HID1: variants seen among roughly 807,000 people sequenced by gnomAD.
HID1 encodes HID1 domain containing.
In HID1, 42 loss-of-function variants were observed where a neutral mutation model predicts 89.7. The observed-to-expected ratio is 0.47, with a 90% CI of 0.37 to 0.61. HID1 has a LOEUF of 0.61. HID1 is among the 20% of genes least tolerant of loss of function. HID1 has a pLI of 0.00. For missense variants in HID1, 854 were observed against 1,039.3 expected (o/e 0.82, Z 2.45); for synonymous variants, 442 against 433.8 (o/e 1.02, Z -0.24).
chr17:74,955,308 G>A (rs533820433), intron 13 of HID1, among the ~76,000 whole-genome samples: 13 of 152,316 alleles, frequency 8.5e-5, no homozygotes, highest in Non-Finnish European at 1.5e-4. Flanking sequence ...AGTTTGGGAG[G>A]CCGAGGCAGG....
intron 1 of HID1, among the ~76,000 whole-genome samples, chr17:74,965,848 C>T (rs1025352567): frequency 1.3e-5 from 2 of 151,654 alleles, no homozygotes; most frequent in Non-Finnish European, 2.9e-5. Context: ...ACCCAGGAGG[C>T]AGAGGTTGCA....
intron 1 of HID1, among the ~76,000 whole-genome samples, chr17:74,965,886 C>T (rs138178635): frequency 0.025 from 3,779 of 151,238 alleles, 62 homozygotes; most frequent in Middle Eastern, 0.066. Context: ...CACTGCACTC[C>T]AGCCTGGGCA....
Position 74,962,926 on chromosome 17 carries a change from C to A in HID1, c.504+39G>T. On this transcript the variant is annotated intron_variant, in intron 4 of 18. Transcript: ENST00000425042. The surrounding 1 kb of genome is among the most constrained non-coding windows in gnomAD (Gnocchi z 4.3). ...GCCCGGCCCCAACCCAGGACCAGAG[C>A]CTACTCCGCCTGGGGGTGGGGGGCT... 6.8e-7 allele frequency: 1 copy of A among 1,469,580 alleles called. No individual in the cohort carries two copies. Among genetic ancestry groups the A allele is most frequent in the Non-Finnish European group, 9.5e-7 (1 of 1,056,628 alleles). The allele number at this position is 1,469,580 out of a possible 1,614,324, so 91.0% of individuals were successfully genotyped here. A position where few individuals can be genotyped will look rare whatever the true frequency, so the allele number is the denominator to read the frequency against.
intron 13 of HID1, chr17:74,954,944 G>A (rs73363084): frequency 0.035 from 5,630 of 161,674 alleles, 362 homozygotes; most frequent in African/African-American, 0.13. Context: ...AAATTTGCCC[G>A]ACTTTGGAAA....
At position 74,953,086 on chromosome 17, in the gene HID1, C is replaced by T; in HGVS notation, c.1972G>A (p.Glu658Lys). ...SLEDGSPAKGEPSQAWREQRR... is the reference protein window; with the variant it reads ...SLEDGSPAKGKPSQAWREQRR... ...TGCTCCCTCCATGCCTGGCTGGGCT[C>T]CTGGCCCCCAGAAAGGAACAGGGGT... is the stretch of plus-strand genomic sequence containing the variant. Residue 658 changes from glutamate to lysine, a missense_variant and splice_region_variant, in exon 16 of 19, where the codon GAG becomes AAG. Coordinates refer to ENST00000425042, the MANE Select transcript of HID1 (RefSeq NM_030630.3). The T allele has an allele frequency of 1.9e-6, 3 of 1,603,604 alleles. No individual in the cohort carries two copies. Among genetic ancestry groups the T allele is most frequent in the South Asian group, 2.2e-5 (2 of 89,172 alleles).
intron 2 of HID1, 82 bp downstream of exon 2, chr17:74,964,401 G>A (rs560123234): frequency 6.5e-5 from 94 of 1,444,544 alleles, no homozygotes; most frequent in South Asian, 3.9e-4. Flanking sequence ...CCTGTGGGGC[G>A]GGAGGCCCTG....
chr17:74,965,620 TA>T (rs1225027495), intron 1 of HID1, among the ~76,000 whole-genome samples: 14 of 152,172 alleles, frequency 9.2e-5, no homozygotes, highest in Non-Finnish European at 1.8e-4. Flanking sequence ...CAACAGGCCT[TA>T]AAAACACACA....
rs1196842447 is a variant in HID1, at chr17:74,962,586, G to A, written c.505-246C>T. ...CTTTCACTTGCTCAGTCCAGTTTGG[G>A]ACAGGGAGAAAGGGAGGGAGGGGCA... On this transcript the variant is annotated intron_variant, in intron 4 of 18. Transcript: ENST00000425042. This position sits in a 1 kb window ranked among gnomAD's most constrained non-coding sequence, Gnocchi z 4.3. Among the ~76,000 whole-genome samples, 1 of 152,130 alleles carries A rather than the reference G, an allele frequency of 6.6e-6. No homozygotes were observed. Among genetic ancestry groups the A allele is most frequent in the Non-Finnish European group, 1.5e-5 (1 of 67,996 alleles).
intron 2 of HID1, 160 bp downstream of exon 2, chr17:74,964,323 T>C: frequency 2.5e-6 from 2 of 800,218 alleles, no homozygotes; most frequent in Non-Finnish European, 3.9e-6. Context: ...GCTGCCGTGG[T>C]CCCAACGCCC....
At chr17:74,957,329 A>C in intron 12 of HID1, among the ~76,000 whole-genome samples, 1 of 151,602 alleles carries the variant, frequency 6.6e-6, no homozygotes, top group East Asian at 2.0e-4. Context: ...CAAAAAAAAA[A>C]AAAAAATTAG....
At chr17:74,963,313 G>A in intron 3 of HID1, 1 of 533,410 alleles carries the variant, frequency 1.9e-6, no homozygotes, top group South Asian at 2.4e-5. Context: ...TGACTGGAGG[G>A]GGCCGGGCGG....
chr17:74,956,372 T>C (rs2039390664), intron 12 of HID1, among the ~76,000 whole-genome samples: 1 of 152,180 alleles, frequency 6.6e-6, no homozygotes, highest in African/African-American at 2.4e-5. Flanking sequence ...ACTTTAAATC[T>C]TTCTAGAACG....
intron 6 of HID1, 35 bp from the exon 7 acceptor site, chr17:74,960,283 C>A: frequency 6.4e-7 from 1 of 1,564,500 alleles, no homozygotes. Context: ...GCAGAGGCTG[C>A]ACTGGGGCCC....
Position 74,958,375 on chromosome 17 carries a change from G to A in HID1, c.1344C>T (p.Pro448=). 6.2e-7 allele frequency: 1 copy of A among 1,612,940 alleles called. No homozygotes were observed. The highest frequency in any genetic ancestry group is 8.5e-7 in the Non-Finnish European group (1 of 1,179,568). ...TCCCTGTGAAGACTGGGATGTCCAT[G>A]GGCACGCGGATTGAGTAGGGTTTGT... The part of the protein sequence containing the change: ...RLNKPYSIRV[P]MDIPVFTGTH... The change falls in exon 11 of 19, where the codon CCC becomes CCT. Residue 448 remains proline, a synonymous_variant. Transcript: ENST00000425042. The surrounding 1 kb of genome is among the most constrained non-coding windows in gnomAD (Gnocchi z 5.2).
intron 12 of HID1, among the ~76,000 whole-genome samples, chr17:74,956,450 C>T (rs914717823): frequency 1.3e-5 from 2 of 152,196 alleles, no homozygotes; most frequent in East Asian, 1.9e-4. Flanking sequence ...GACTGAAGTT[C>T]CATGCTGATC....
chr17:74,965,293 G>A (rs1178093322), intron 1 of HID1, among the ~76,000 whole-genome samples: 2 of 152,182 alleles, frequency 1.3e-5, no homozygotes, highest in Non-Finnish European at 2.9e-5. Flanking sequence ...GCACCGAGGT[G>A]GCATCCTGCA....
At chr17:74,954,389 C>T in intron 13 of HID1, 24 bp from the exon 14 acceptor site, 1 of 1,551,966 alleles carries the variant, frequency 6.4e-7, no homozygotes, top group Admixed American at 2.0e-5. Flanking sequence ...GCATGCCTCG[C>T]CTCAGGGAGG....
Position 74,958,968 on chromosome 17 carries a change from C to G in HID1, c.1092G>C (p.Lys364Asn). ...CTAGCAGCTCCTGGTGGAACTGGATCTTCTTGGTGGAGTTAGGCAGGTAGG... is the reference window on the plus strand; with the variant it reads ...CTAGCAGCTCCTGGTGGAACTGGATGTTCTTGGTGGAGTTAGGCAGGTAGG... ...LQTYLPNSTK[K>N]IQFHQELLVL... Residue 364 changes from lysine to asparagine, a missense_variant, in exon 9 of 19, where the codon AAG (lysine) becomes AAC (asparagine). Coordinates refer to ENST00000425042, the MANE Select transcript of HID1 (RefSeq NM_030630.3). This position sits in a 1 kb window ranked among gnomAD's most constrained non-coding sequence, Gnocchi z 5.2. The G allele has an allele frequency of 6.2e-7, 1 of 1,606,440 alleles. No individual in the cohort carries two copies. Among genetic ancestry groups the G allele is most frequent in the Non-Finnish European group, 8.5e-7 (1 of 1,177,514 alleles).
Position 74,958,856 on chromosome 17 carries a change from G to GT in HID1, c.1149+54dup. 7.0e-6 allele frequency: 11 copies of GT among 1,582,418 alleles called. No homozygotes were observed. Among genetic ancestry groups the GT allele is most frequent in the Non-Finnish European group, 9.5e-6 (11 of 1,163,456 alleles). On this transcript the variant is annotated intron_variant, in intron 9 of 18. Coordinates refer to ENST00000425042, the MANE Select transcript of HID1 (RefSeq NM_030630.3). The surrounding 1 kb of genome is among the most constrained non-coding windows in gnomAD (Gnocchi z 5.2). ...AGTCTGACACTGTCCCTGCCCCCGG[G>GT]TTATTGGGGCAGCTGCTCTCCATCT...
Sources: gnomAD v4.1 joint callset for allele counts (sites outside exome capture counted in the v4.1 genomes callset) on GRCh38, gnomAD v4.1.1 for gene constraint, Gnocchi (gnomAD v3.1) non-coding constraint, MANE v1.5 for transcripts, NCBI Gene and HGNC (gene_info 2026-07-23, HGNC 2026-07-21) for gene names.